RYR3: variants seen among roughly 807,000 people sequenced by gnomAD.
RYR3 encodes the protein brain ryanodine receptor-calcium release channel.
Under a neutral mutation model 584.3 loss-of-function variants are expected in RYR3, and 207 were observed. The observed-to-expected ratio is 0.35, with a 90% CI of 0.32 to 0.40. The LOEUF (loss-of-function observed/expected upper bound fraction) is 0.40. Among genes scored for constraint, RYR3 ranks in the 10% least tolerant of loss-of-function variants. The probability of loss-of-function intolerance (pLI) is 1.00; values close to 1 mark genes in which losing one functional copy is unlikely to be tolerated. For synonymous variants in RYR3, 2,416 were observed against 2,248.5 expected, an observed-to-expected ratio of 1.07 and a Z score of -2.11; for missense variants, 5,616 against 6,089.2, an observed-to-expected ratio of 0.92 and a Z score of 2.59.
chr15:33,843,557 A>T lies in RYR3; in HGVS notation c.13279A>T (p.Ile4427Phe), dbSNP rs762603078. The change falls in exon 92 of 104, where the codon ATC becomes TTC. Residue 4427 changes from isoleucine to phenylalanine, a missense_variant. Physicochemically the swap from Ile to Phe is conservative, Grantham distance 21. Around this residue, in one of 9 missense-constraint regions of RYR3, gnomAD observed 918 missense variants for 887.4 expected, o/e 1.03. Transcript: ENST00000634891. ...ALFVAFAINF[I>F]LLFYKVTEEP... ...GTTTGTAGCCTTCGCTATCAACTTC[A>T]TCCTGCTTTTTTATAAGGTGATACT... is the stretch of plus-strand genomic sequence containing the variant. 1 of 1,593,400 alleles carries T rather than the reference A, an allele frequency of 6.3e-7. No homozygotes were observed. The highest frequency in any genetic ancestry group is 1.7e-5 in the Admixed American group (1 of 57,218).
intron 85 of RYR3, among the ~76,000 whole-genome samples, chr15:33,830,252 C>T (rs1042883617): frequency 1.3e-5 from 2 of 152,190 alleles, no homozygotes; most frequent in African/African-American, 4.8e-5. Context: ...CCACAGCCAC[C>T]TCAACCTTCA....
intron 65 of RYR3, among the ~76,000 whole-genome samples, chr15:33,780,896 C>A (rs2074342807): frequency 6.6e-6 from 1 of 152,188 alleles, no homozygotes; most frequent in South Asian, 2.1e-4. Context: ...AACAGGGTGG[C>A]AAACTATGAC....
intron 19 of RYR3, among the ~76,000 whole-genome samples, chr15:33,618,996 T>C (rs2060587127): frequency 2.0e-5 from 3 of 152,172 alleles, no homozygotes; most frequent in Admixed American, 2.0e-4. Flanking sequence ...TTGTCCTGTG[T>C]TTTCAAAATC....
intron 17 of RYR3, among the ~76,000 whole-genome samples, chr15:33,601,908 G>A (rs1335498381): frequency 6.6e-6 from 1 of 151,980 alleles, no homozygotes; most frequent in Non-Finnish European, 1.5e-5. Flanking sequence ...CTTTTTTTCT[G>A]TAATCTTTTC....
At chr15:33,554,291 CTTTTTTTTT>C (rs71117147) in intron 10 of RYR3, among the ~76,000 whole-genome samples, 1 of 126,532 alleles carries the variant, frequency 7.9e-6, no homozygotes. Flanking sequence ...CCTCCATTAT[CTTTTTTTTT>C]TTTTTTTTTT....
At position 33,649,079 on chromosome 15, in the gene RYR3, A is replaced by T. The variant is rs765398144; in HGVS notation, c.3986A>T (p.Tyr1329Phe). ...TCTGCGGTCTCTCCACAGCAGTGCTACTACGCCATCCGCATCTTTGCTGGA... is the reference window on the plus strand; with the variant it reads ...TCTGCGGTCTCTCCACAGCAGTGCTTCTACGCCATCCGCATCTTTGCTGGA... Reference protein sequence around the residue: ...EILSHTTTQCYYAIRIFAGQD... With the variant: ...EILSHTTTQCFYAIRIFAGQD... The change falls in exon 31 of 104, where the codon TAC becomes TTC. Residue 1329 changes from tyrosine to phenylalanine, a missense_variant. This residue lies in a region of RYR3 where 753 missense variants were observed against 741.0 expected (regional missense o/e 1.02). Coordinates refer to ENST00000634891, the MANE Select transcript of RYR3 (RefSeq NM_001036.6). 8.1e-6 allele frequency: 13 copies of T among 1,612,944 alleles called. No homozygotes were observed. Among genetic ancestry groups the T allele is most frequent in the Non-Finnish European group, 1.1e-5 (13 of 1,179,756 alleles).
intron 1 of RYR3, among the ~76,000 whole-genome samples, chr15:33,404,603 T>TTTTTTTTTTTA (rs2042901488): frequency 6.7e-6 from 1 of 149,690 alleles, no homozygotes; most frequent in Non-Finnish European, 1.5e-5. Flanking sequence ...TTTTTTTTTT[T>TTTTTTTTTTTA]ACTTGTAACT....
intron 57 of RYR3, among the ~76,000 whole-genome samples, chr15:33,750,888 C>CA (rs2071226543): frequency 6.6e-6 from 1 of 152,156 alleles, no homozygotes; most frequent in Non-Finnish European, 1.5e-5. Flanking sequence ...ACAACCCCCA[C>CA]AGGCCCTGGG....
chr15:33,397,060 G>A (rs1319987752), intron 1 of RYR3, among the ~76,000 whole-genome samples: 1 of 152,126 alleles, frequency 6.6e-6, no homozygotes, highest in African/African-American at 2.4e-5. Context: ...CAATACATTT[G>A]ATTTTTGTTA....
At chr15:33,859,544 T>C (rs1294293221) in intron 99 of RYR3, 31 bp from the exon 100 acceptor site, 2 of 1,612,600 alleles carry the variant, frequency 1.2e-6, no homozygotes, top group Non-Finnish European at 1.7e-6. Flanking sequence ...CTGTGACTTT[T>C]GCCTAAATCC....
chr15:33,858,135 A>G (rs973182658), intron 99 of RYR3: 11 of 593,396 alleles, frequency 1.9e-5, no homozygotes, highest in Admixed American at 3.1e-5. Flanking sequence ...CACACATCTA[A>G]GCCCCGTGGA....
chr15:33,854,539 C>G, intron 97 of RYR3, 90 bp downstream of exon 97: 1 of 1,171,564 alleles, frequency 8.5e-7, no homozygotes, highest in South Asian at 1.5e-5. Flanking sequence ...CAGAAGGGTT[C>G]AGGGATTGCT....
chr15:33,503,154 CCT>C (rs975415845), intron 2 of RYR3, among the ~76,000 whole-genome samples: 3 of 152,138 alleles, frequency 2.0e-5, no homozygotes, highest in African/African-American at 7.2e-5. Context: ...CCCTCTGTGG[CCT>C]CTTTTTATAC....
At chr15:33,556,164 G>A (rs2057051966) in intron 10 of RYR3, among the ~76,000 whole-genome samples, 1 of 152,024 alleles carries the variant, frequency 6.6e-6, no homozygotes, top group Non-Finnish European at 1.5e-5. Flanking sequence ...ATTGTAAAAG[G>A]TACTTTCTTG....
chr15:33,625,010 A>T (rs541940579), intron 20 of RYR3, among the ~76,000 whole-genome samples: 18 of 152,286 alleles, frequency 1.2e-4, no homozygotes, highest in African/African-American at 4.3e-4. Context: ...GTCCATTTTC[A>T]TACTGCTATA....
At chr15:33,539,322 A>G in intron 5 of RYR3, 28 bp from the exon 6 acceptor site, 1 of 1,437,482 alleles carries the variant, frequency 7.0e-7, no homozygotes, top group South Asian at 1.2e-5. Flanking sequence ...CTGTGAAGCA[A>G]TGACTAACTC....
At chr15:33,774,470 A>G (rs1182241867) in intron 64 of RYR3, among the ~76,000 whole-genome samples, 1 of 152,174 alleles carries the variant, frequency 6.6e-6, no homozygotes. Flanking sequence ...TTGGTAGTGA[A>G]CCCTCGTCTC....
intron 3 of RYR3, among the ~76,000 whole-genome samples, chr15:33,516,479 G>C (rs1267886669): frequency 2.3e-4 from 35 of 152,020 alleles, no homozygotes; most frequent in Non-Finnish European, 5.9e-5. Flanking sequence ...GAGTAGCTGG[G>C]ATTACAGATG....
intron 3 of RYR3, among the ~76,000 whole-genome samples, chr15:33,507,501 T>C (rs183920319): frequency 2.6e-5 from 4 of 152,344 alleles, no homozygotes; most frequent in African/African-American, 9.6e-5. Flanking sequence ...TGCTTGGCAC[T>C]GTGGCCAATT....
Sources: allele counts gnomAD v4.1 joint callset (sites outside exome capture counted in the v4.1 genomes callset), GRCh38; gene constraint gnomAD v4.1.1; regional missense constraint gnomAD v4.1.1; transcripts MANE v1.5; gene names NCBI Gene and HGNC (gene_info 2026-07-23, HGNC 2026-07-21).